Variants in TCP1 observed in about 807,000 individuals in gnomAD.
TCP1 encodes T-complex protein 1 subunit alpha.
TCP1 carries 6 observed loss-of-function variants against 54.7 expected under a neutral mutation model. The ratio of observed to expected loss-of-function variants is 0.11; its 90% CI spans 0.06 to 0.22. TCP1 has a LOEUF of 0.22. TCP1 is among the 10% of genes least tolerant of loss of function. TCP1 has a pLI of 1.00. For missense variants in TCP1, 511 were observed against 678.2 expected, an observed-to-expected ratio of 0.75 and a Z score of 2.74; for synonymous variants, 225 against 229.7, an observed-to-expected ratio of 0.98 and a Z score of 0.19.
chr6:159,778,758 A>C lies in TCP1; in HGVS notation c.*287T>G. 1 of 1,614,248 alleles carries C rather than the reference A, an allele frequency of 6.2e-7. No homozygotes were observed. On this transcript the variant is annotated 3_prime_UTR_variant, in exon 12 of 12. Transcript: ENST00000321394. ...GTTACACACACTGGAGAGAATGGGCAGAAGTCGTGGTGTTGCAGCCCTGTG... is the reference window on the plus strand; with the variant it reads ...GTTACACACACTGGAGAGAATGGGCCGAAGTCGTGGTGTTGCAGCCCTGTG...
At chr6:159,785,048 A>C in intron 5 of TCP1, 1 of 633,300 alleles carries the variant, frequency 1.6e-6, no homozygotes, top group Non-Finnish European at 2.8e-6. Flanking sequence ...TTACCTTTTC[A>C]CCCTAAAAAA....
intron 3 of TCP1, 41 bp downstream of exon 3, chr6:159,787,702 C>G: frequency 6.3e-7 from 1 of 1,588,970 alleles, no homozygotes; most frequent in Non-Finnish European, 8.6e-7. Context: ...GAAAGTCGGT[C>G]GTTTTTAGAA....
intron 5 of TCP1, 169 bp from the exon 6 acceptor site, chr6:159,785,016 T>C (rs185295832): frequency 7.1e-6 from 5 of 702,478 alleles, no homozygotes; most frequent in South Asian, 3.3e-5. Flanking sequence ...GCAATTCATA[T>C]CACTTTTAGA....
At position 159,781,045 on chromosome 6, in the gene TCP1, G is replaced by A; in HGVS notation, c.863C>T (p.Thr288Ile). The A allele has an allele frequency of 6.2e-7, 1 of 1,612,966 alleles. No individual in the cohort carries two copies. The highest frequency in any genetic ancestry group is 8.5e-7 in the Non-Finnish European group (1 of 1,179,586). The change falls in exon 8 of 12, where the codon ACC becomes ATC. Residue 288 changes from threonine to isoleucine, a missense_variant. By Grantham distance (89) the Thr-to-Ile change is moderately conservative (BLOSUM62 -1). Transcript: ENST00000321394. Reference sequence around the variant, plus strand: ...ACACATATCATCAATTCCACCAGTGGTTAGAATAACATTGGCACCAGTTGC... The same window carrying A: ...ACACATATCATCAATTCCACCAGTGATTAGAATAACATTGGCACCAGTTGC... The part of the protein sequence containing the change: ...ILATGANVIL[T>I]TGGIDDMCLK...
At chr6:159,783,746 TTTAATA>T (rs778900001) in intron 7 of TCP1, among the ~76,000 whole-genome samples, 189 bp downstream of exon 7, 10 of 152,036 alleles carry the variant, frequency 6.6e-5, no homozygotes, top group Non-Finnish European at 1.5e-4. Flanking sequence ...CTTTTACATC[TTTAATA>T]TTAATAGACT....
chr6:159,787,513 A>G (rs1780727510), intron 3 of TCP1, among the ~76,000 whole-genome samples: 1 of 152,184 alleles, frequency 6.6e-6, no homozygotes, highest in Non-Finnish European at 1.5e-5. Flanking sequence ...AACTGTACAA[A>G]CTAGCTGTAA....
chr6:159,785,202 C>T (rs1780665348), intron 5 of TCP1, 184 bp downstream of exon 5: 4 of 619,136 alleles, frequency 6.5e-6, no homozygotes, highest in Non-Finnish European at 1.1e-5. Context: ...CATGCGCACA[C>T]ACGCACCCAC....
chr6:159,780,239 C>T (rs756440581), intron 9 of TCP1, 152 bp from the exon 10 acceptor site: 9 of 1,217,624 alleles, frequency 7.4e-6, no homozygotes, highest in Non-Finnish European at 1.1e-5. Flanking sequence ...TTTAGATATA[C>T]TATACAGAAA....
chr6:159,784,992 C>T, intron 5 of TCP1, 145 bp from the exon 6 acceptor site: 1 of 765,192 alleles, frequency 1.3e-6, no homozygotes, highest in Admixed American at 2.6e-5. Flanking sequence ...AATGTTACAA[C>T]ATTATCACTA....
intron 7 of TCP1, among the ~76,000 whole-genome samples, 161 bp from the exon 8 acceptor site, chr6:159,781,271 G>A (rs1780570274): frequency 6.6e-6 from 1 of 152,100 alleles, no homozygotes; most frequent in South Asian, 2.1e-4. Flanking sequence ...AAATTTGAAG[G>A]AATTAAAAAT....
intron 5 of TCP1, chr6:159,785,135 C>G: frequency 1.7e-6 from 1 of 601,680 alleles, no homozygotes; most frequent in Admixed American, 3.1e-5. Flanking sequence ...ATTGGTTATT[C>G]AAAATTTTAT....
chr6:159,785,185 C>T (rs973009848), intron 5 of TCP1: 22 of 611,620 alleles, frequency 3.6e-5, no homozygotes, highest in South Asian at 5.9e-5. Flanking sequence ...CACGCGTGCG[C>T]GCAACACATG....
chr6:159,789,300 T>A (rs1178199233), intron 1 of TCP1, 105 bp downstream of exon 1: 6 of 1,374,502 alleles, frequency 4.4e-6, no homozygotes, highest in Non-Finnish European at 6.0e-6. Flanking sequence ...CCCGAGGCCC[T>A]TTCTGCGGAG....
rs911606829 is a variant in TCP1, at chr6:159,778,897, A to C, written c.*148T>G. The C allele has an allele frequency of 1.2e-6, 2 of 1,600,782 alleles. No homozygotes were observed. Among genetic ancestry groups the C allele is most frequent in the African/African-American group, 1.3e-5 (1 of 74,656 alleles). On this transcript the variant is annotated 3_prime_UTR_variant, in exon 12 of 12. Transcript: ENST00000321394. ...TAAAGTACTAGGTTGCAATATGTGAAATCAGAGGACCAAAGTACAGATGGA... is the reference window on the plus strand; with the variant it reads ...TAAAGTACTAGGTTGCAATATGTGACATCAGAGGACCAAAGTACAGATGGA...
In TCP1 at chr6:159,785,272, A is replaced by ATACTCC; in HGVS notation, c.488+108_488+113dup. The ATACTCC allele has an allele frequency of 6.2e-6, 5 of 804,082 alleles. No homozygotes were observed. In the Middle Eastern group the frequency reaches 1.5e-3, roughly 238 times the overall value. 49.8% of individuals were successfully genotyped at this position (804,082 alleles called of 1,614,324 possible). A position where few individuals can be genotyped will look rare whatever the true frequency, so the allele number is the denominator to read the frequency against. On this transcript the variant is annotated intron_variant, in intron 5 of 11. Transcript: ENST00000321394. ...GGACTGGCACTCCTGGGTTCAATTA[A>ATACTCC]TACTCCTACCTCAGCCTCCTTAGTA...
At chr6:159,779,578 A>G in intron 11 of TCP1, 49 bp downstream of exon 11, 1 of 1,543,484 alleles carries the variant, frequency 6.5e-7, no homozygotes, top group Non-Finnish European at 8.7e-7. Context: ...ATCCTTTTTA[A>G]TGCAACCTGT....
At position 159,784,086 on chromosome 6, in the gene TCP1, T is replaced by G; in HGVS notation, c.671-19A>C. On this transcript the variant is annotated intron_variant, in intron 6 of 11. Transcript: ENST00000321394. ...GGCATGCCTACAATTGAACATAAGA[T>G]TAAGTTAATACGTCTATCCTTAAAA... 6.2e-7 allele frequency: 1 copy of G among 1,610,042 alleles called. No homozygotes were observed. The highest frequency in any genetic ancestry group is 8.5e-7 in the Non-Finnish European group (1 of 1,178,708).
chr6:159,787,598 T>G, intron 3 of TCP1, 145 bp downstream of exon 3: 1 of 1,040,648 alleles, frequency 9.6e-7, no homozygotes, highest in Non-Finnish European at 1.3e-6. Context: ...GTAACTTCTT[T>G]TGTTTTTTCT....
In TCP1 at chr6:159,789,575, G is replaced by C; in HGVS notation, c.-107C>G. ...AGCAGTGGCTGCGACGGCGTGGAGC[G>C]TACCCGAGCGATGTCCCAGGAGCTA... On this transcript the variant is annotated 5_prime_UTR_variant, in exon 1 of 12. Coordinates refer to ENST00000321394, the MANE Select transcript of TCP1 (RefSeq NM_030752.3). 2 of 1,364,394 alleles carry C rather than the reference G, an allele frequency of 1.5e-6. No homozygotes were observed. Among genetic ancestry groups the C allele is most frequent in the Non-Finnish European group, 2.1e-6 (2 of 974,676 alleles). The allele number at this position is 1,364,394 out of a possible 1,614,324, so 84.5% of individuals were successfully genotyped here. A position where few individuals can be genotyped will look rare whatever the true frequency, so the allele number is the denominator to read the frequency against.
Sources: gnomAD v4.1 joint callset for allele counts (sites outside exome capture counted in the v4.1 genomes callset) on GRCh38, gnomAD v4.1.1 for gene constraint, MANE v1.5 for transcripts, NCBI Gene and HGNC (gene_info 2026-07-23, HGNC 2026-07-21) for gene names.